Variants in N4BP2L2 observed in about 807,000 individuals in gnomAD.
N4BP2L2 encodes NEDD4 binding protein 2 like 2.
N4BP2L2 carries 50 observed loss-of-function variants against 56.2 expected under a neutral mutation model. The ratio of observed to expected loss-of-function variants is 0.89; its 90% CI spans 0.71 to 1.13. The LOEUF (loss-of-function observed/expected upper bound fraction) is 1.13. N4BP2L2 is among the 50% of genes most tolerant of loss of function. The pLI is 0.00. For missense variants in N4BP2L2, 689 were observed against 693.8 expected (o/e 0.99, Z 0.08); for synonymous variants, 203 against 223.6 (o/e 0.91, Z 0.82).
chr13:32,529,654 TTTG>T (rs1252047045), intron 2 of N4BP2L2, among the ~76,000 whole-genome samples: 3 of 77,226 alleles, frequency 3.9e-5, no homozygotes, highest in Admixed American at 3.1e-4. Flanking sequence ...TGCTTCCTTT[TTTG>T]TTTTTTTTTT....
downstream of N4BP2L2, chr13:32,507,821 A>C (rs1209354874): frequency 6.6e-6 from 1 of 152,130 alleles, no homozygotes; most frequent in Non-Finnish European, 1.5e-5. Context: ...GAATTTATAG[A>C]CTACTCTAGC....
intron 6 of N4BP2L2, among the ~76,000 whole-genome samples, chr13:32,473,965 G>T (rs1053319173): frequency 6.6e-6 from 1 of 152,156 alleles, no homozygotes; most frequent in Non-Finnish European, 1.5e-5. Context: ...TTGGGTACAG[G>T]GGAAGCATTA....
At chr13:32,436,371 A>T in exon 9 of N4BP2L2, 1 of 1,218,412 alleles carries the variant, frequency 8.2e-7, no homozygotes, top group Non-Finnish European at 1.1e-6. Flanking sequence ...AGTTCAAGGA[A>T]TTTTCATTTT....
intron 6 of N4BP2L2, among the ~76,000 whole-genome samples, chr13:32,472,176 C>T (rs2082433315): frequency 6.6e-6 from 1 of 152,228 alleles, no homozygotes; most frequent in Non-Finnish European, 1.5e-5. Flanking sequence ...AGGTGGAGGA[C>T]TGTTCACATC....
chr13:32,536,837 C>T (rs774834181), exon 2 of N4BP2L2: 36 of 1,613,932 alleles, frequency 2.2e-5, no homozygotes, highest in Non-Finnish European at 2.9e-5. Context: ...ATAACTATGT[C>T]CTCTGACATC....
At chr13:32,480,770 T>C (rs1312076634) in intron 6 of N4BP2L2, 1 of 451,834 alleles carries the variant, frequency 2.2e-6, no homozygotes, top group African/African-American at 2.1e-5. Flanking sequence ...TAGAGTGTGA[T>C]TTCTCCAAGA....
At chr13:32,527,471 G>T (rs2053369456) in exon 3 of N4BP2L2, 2 of 1,613,820 alleles carry the variant, frequency 1.2e-6, no homozygotes, top group African/African-American at 2.7e-5. Context: ...TACCCATCTT[G>T]ATGGTGAAAA....
At chr13:32,458,313 T>C (rs2079354658) in intron 6 of N4BP2L2, among the ~76,000 whole-genome samples, 1 of 152,092 alleles carries the variant, frequency 6.6e-6, no homozygotes, top group Non-Finnish European at 1.5e-5. Flanking sequence ...GATCCGCCCA[T>C]CTCGGCCTCC....
chr13:32,454,865 G>A (rs1430043824), intron 6 of N4BP2L2, among the ~76,000 whole-genome samples: 1 of 152,220 alleles, frequency 6.6e-6, no homozygotes, highest in Non-Finnish European at 1.5e-5. Flanking sequence ...CTAAGGCACA[G>A]AAGGAGCAGG....
chr13:32,493,391 AC>A (rs2087686869), intron 6 of N4BP2L2, among the ~76,000 whole-genome samples: 2 of 152,222 alleles, frequency 1.3e-5, no homozygotes, highest in South Asian at 4.1e-4. Context: ...AATAAAAACA[AC>A]AACAACAACA....
chr13:32,460,181 A>G (rs950891019), intron 6 of N4BP2L2, among the ~76,000 whole-genome samples: 1 of 152,202 alleles, frequency 6.6e-6, no homozygotes, highest in Non-Finnish European at 1.5e-5. Flanking sequence ...CAATATGACA[A>G]ACTCTTAAGT....
At chr13:32,526,378 C>G (rs1428538882) in intron 3 of N4BP2L2, among the ~76,000 whole-genome samples, 2 of 152,076 alleles carry the variant, frequency 1.3e-5, no homozygotes, top group Non-Finnish European at 2.9e-5. Flanking sequence ...TCTGAAGGAA[C>G]TGGCATTTTT....
At chr13:32,446,956 G>T (rs1361516739) in intron 6 of N4BP2L2, among the ~76,000 whole-genome samples, 1 of 151,344 alleles carries the variant, frequency 6.6e-6, no homozygotes, top group Non-Finnish European at 1.5e-5. Flanking sequence ...ATGGCTAGTG[G>T]CAGGTTCAGA....
chr13:32,497,413 AC>A (rs1461264453), intron 6 of N4BP2L2, among the ~76,000 whole-genome samples: 1 of 152,216 alleles, frequency 6.6e-6, no homozygotes, highest in Non-Finnish European at 1.5e-5. Context: ...CTAACTGATA[AC>A]CTGGACAGCT....
chr13:32,436,747 G>A (rs1400118463), intron 8 of N4BP2L2, among the ~76,000 whole-genome samples: 5 of 115,654 alleles, frequency 4.3e-5, no homozygotes, highest in African/African-American at 1.0e-4. Flanking sequence ...CTGAGATCAC[G>A]CCACTGCACT....
intron 3 of N4BP2L2, chr13:32,524,622 T>C (rs1455364853): frequency 6.6e-6 from 1 of 152,248 alleles, no homozygotes; most frequent in African/African-American, 2.4e-5. Context: ...TTTCATAGAA[T>C]GGTGCCTAGC....
At chr13:32,442,321 A>T (rs956185139) in intron 7 of N4BP2L2, 1 of 1,336,040 alleles carries the variant, frequency 7.5e-7, no homozygotes, top group African/African-American at 1.5e-5. Context: ...CCAGGTAGAA[A>T]CACCTCCAGA....
chr13:32,470,511 G>A (rs2082100603), intron 6 of N4BP2L2, among the ~76,000 whole-genome samples: 1 of 152,152 alleles, frequency 6.6e-6, no homozygotes. Context: ...TTTGGCTAGG[G>A]CCTATATCAA....
intron 9 of N4BP2L2, among the ~76,000 whole-genome samples, chr13:32,435,012 T>G (rs2075309304): frequency 6.6e-6 from 1 of 152,156 alleles, no homozygotes; most frequent in African/African-American, 2.4e-5. Flanking sequence ...GCTTGCTGCA[T>G]GCTGCTTGTA....
Sources: allele counts gnomAD v4.1 joint callset (sites outside exome capture counted in the v4.1 genomes callset), GRCh38; gene constraint gnomAD v4.1.1; transcripts MANE v1.5; gene names NCBI Gene and HGNC (gene_info 2026-07-23, HGNC 2026-07-21).